Variants in ZFHX3 observed in about 807,000 individuals in gnomAD.
ZFHX3 encodes zinc finger homeobox protein 3.
A neutral mutation model predicts 279.1 loss-of-function variants in ZFHX3; 42 were observed. The ratio of observed to expected loss-of-function variants is 0.15; its 90% CI spans 0.12 to 0.19. The LOEUF is 0.19. Ranked by LOEUF, ZFHX3 falls within the 10% of genes least tolerant of loss-of-function variation. The pLI, the probability that ZFHX3 is intolerant of heterozygous loss-of-function variation, is 1.00. For synonymous variants in ZFHX3, 2,293 were observed against 1,957.8 expected, an observed-to-expected ratio of 1.17 and a Z score of -4.52; for missense variants, 4,981 against 4,754.0, an observed-to-expected ratio of 1.05 and a Z score of -1.40.
intron 2 of ZFHX3, among the ~76,000 whole-genome samples, chr16:73,506,084 T>C (rs1050448305): frequency 6.6e-6 from 1 of 152,214 alleles, no homozygotes; most frequent in Non-Finnish European, 1.5e-5. Context: ...CTTCACCGTT[T>C]TGCAGACAAA....
intron 4 of ZFHX3, among the ~76,000 whole-genome samples, chr16:72,864,211 C>T (rs1232697570): frequency 6.6e-6 from 1 of 152,154 alleles, no homozygotes; most frequent in Admixed American, 6.5e-5. Flanking sequence ...TAATTCTTTA[C>T]CTGACCCTTA....
chr16:73,115,027 G>C (rs570227067), intron 7 of ZFHX3, among the ~76,000 whole-genome samples: 1 of 152,244 alleles, frequency 6.6e-6, no homozygotes, highest in African/African-American at 2.4e-5. Context: ...TGTCATAGAA[G>C]CAGCTGTCTT....
chr16:73,686,086 T>C (rs1197735134), intron 1 of ZFHX3, among the ~76,000 whole-genome samples: 1 of 151,842 alleles, frequency 6.6e-6, no homozygotes. Flanking sequence ...TATTCAGACA[T>C]TTCTTATTTA....
At chr16:73,161,797 T>C (rs530336271) in intron 5 of ZFHX3, among the ~76,000 whole-genome samples, 1 of 152,158 alleles carries the variant, frequency 6.6e-6, no homozygotes, top group South Asian at 2.1e-4. Flanking sequence ...GCAAATTTAA[T>C]CCATAGGTGG....
chr16:72,865,273 G>C (rs574970167), intron 4 of ZFHX3, among the ~76,000 whole-genome samples: 1 of 152,338 alleles, frequency 6.6e-6, no homozygotes, highest in African/African-American at 2.4e-5. Flanking sequence ...AGGTCAGAAA[G>C]GGAAGAGACC....
chr16:73,545,782 C>G (rs1386920784), intron 2 of ZFHX3, among the ~76,000 whole-genome samples: 1 of 148,296 alleles, frequency 6.7e-6, no homozygotes, highest in Non-Finnish European at 1.5e-5. Flanking sequence ...GGGTGGAACA[C>G]CTGCTGAAAT....
chr16:73,729,654 A>G (rs997751212), intron 1 of ZFHX3, among the ~76,000 whole-genome samples: 14 of 152,222 alleles, frequency 9.2e-5, no homozygotes, highest in Non-Finnish European at 2.1e-4. Context: ...CTAAAACACC[A>G]TAGCATCCTT....
chr16:73,286,399 C>G (rs1169220958), intron 4 of ZFHX3, among the ~76,000 whole-genome samples: 4 of 152,196 alleles, frequency 2.6e-5, no homozygotes, highest in South Asian at 2.1e-4. Flanking sequence ...TCTGTGAACC[C>G]CAGTCAAGTA....
chr16:73,772,567 T>G (rs1158369717), intron 1 of ZFHX3, among the ~76,000 whole-genome samples: 3 of 152,220 alleles, frequency 2.0e-5, no homozygotes, highest in African/African-American at 7.2e-5. Context: ...TCATCTACTT[T>G]CTGCCGTAGG....
rs1435020204 is a variant in ZFHX3, at chr16:72,785,645, TGA to T, written c.*1517_*1518del. ...ATTTAAAGCATGAAATTTTTTTTTC[TGA>T]GAGAGGAAAGAAAAAACAAACACAA... On this transcript the variant is annotated 3_prime_UTR_variant, in exon 10 of 10. Coordinates refer to ENST00000268489, the MANE Select transcript of ZFHX3 (RefSeq NM_006885.4). 17 of 152,302 alleles carry T rather than the reference TGA, an allele frequency of 1.1e-4. No homozygotes were observed. The highest frequency in any genetic ancestry group is 3.9e-4 in the African/African-American group (16 of 41,494). The allele number at this position is 152,302 out of a possible 1,614,324, so 9.4% of individuals were successfully genotyped here. A position where few individuals can be genotyped will look rare whatever the true frequency, so the allele number is the denominator to read the frequency against.
At chr16:72,837,778 A>T (rs1597293959) in intron 4 of ZFHX3, among the ~76,000 whole-genome samples, 2 of 151,324 alleles carry the variant, frequency 1.3e-5, no homozygotes, top group East Asian at 3.9e-4. Flanking sequence ...TAAAAAAAAA[A>T]ATTCTAGAGA....
chr16:72,960,269 G>A (rs888342059), intron 1 of ZFHX3, 75 bp from the exon 2 acceptor site: 17 of 1,220,122 alleles, frequency 1.4e-5, no homozygotes, highest in African/African-American at 3.0e-5. Context: ...TAGGAGGGCC[G>A]AGGCTGAGGT....
At chr16:72,867,334 C>G (rs1486870306) in intron 4 of ZFHX3, among the ~76,000 whole-genome samples, 1 of 152,184 alleles carries the variant, frequency 6.6e-6, no homozygotes, top group Non-Finnish European at 1.5e-5. Flanking sequence ...CAGAGCAGAA[C>G]TCTGGAAACG....
intron 1 of ZFHX3, among the ~76,000 whole-genome samples, chr16:73,855,306 T>C (rs1212721259): frequency 1.4e-5 from 2 of 138,208 alleles, no homozygotes; most frequent in African/African-American, 5.4e-5. Context: ...GCTGACAAAA[T>C]GTAATTTACT....
Position 73,458,306 on chromosome 16 carries a change from T to TTCCCTCCCTTCCTCCCTCCCTTCC in ZFHX3, c.-1546-2049_-1546-2048insGGAAGGGAGGGAGGAAGGGAGGGA, listed in dbSNP as rs1203650213. On this transcript the variant is annotated intron_variant, in intron 2 of 17. Coordinates refer to the ZFHX3 transcript ENST00000641206. The stretch of plus-strand genomic sequence containing the variant: ...TCTTTCTCTCTCTCTCTTTCCTTCT[T>TTCCCTCCCTTCCTCCCTCCCTTCC]TCCCTCCCTTCCTCCCTCACTTCCT... Among the ~76,000 whole-genome samples the TTCCCTCCCTTCCTCCCTCCCTTCC allele has an allele frequency of 1.2e-3, 176 of 141,818 alleles. 14 individuals carry two copies. The highest frequency in any genetic ancestry group is 4.8e-3 in the African/African-American group (163 of 34,166). 93.0% of individuals were successfully genotyped at this position (141,818 alleles called of 152,430 possible).
intron 2 of ZFHX3, among the ~76,000 whole-genome samples, chr16:73,624,123 CTT>C (rs1158579090): frequency 1.3e-5 from 2 of 152,182 alleles, no homozygotes; most frequent in Non-Finnish European, 2.9e-5. Flanking sequence ...GGATGGCTCA[CTT>C]TGCACTACGC....
intron 1 of ZFHX3, among the ~76,000 whole-genome samples, chr16:73,848,989 G>C (rs1215339410): frequency 6.6e-6 from 1 of 152,172 alleles, no homozygotes; most frequent in South Asian, 2.1e-4. Context: ...CGACTGTTCA[G>C]TTCACTGGTA....
chr16:73,125,407 T>C (rs1442059037), intron 7 of ZFHX3: 5 of 152,092 alleles, frequency 3.3e-5, no homozygotes, highest in Non-Finnish European at 7.4e-5. Context: ...TGATGGTTAA[T>C]ACTGAATGTC....
At chr16:73,472,179 C>T (rs984738690) in intron 2 of ZFHX3, among the ~76,000 whole-genome samples, 3 of 151,526 alleles carry the variant, frequency 2.0e-5, no homozygotes, top group Non-Finnish European at 4.4e-5. Flanking sequence ...GAGAAAACAC[C>T]CAGGGAGAAT....
Sources: gnomAD v4.1 joint callset for allele counts (sites outside exome capture counted in the v4.1 genomes callset) on GRCh38, gnomAD v4.1.1 for gene constraint, MANE v1.5 for transcripts, NCBI Gene and HGNC (gene_info 2026-07-23, HGNC 2026-07-21) for gene names.